The following SLC35F1 variants were observed in gnomAD, a reference collection of about 807,000 sequenced individuals.
SLC35F1 encodes the protein chromosome 6 open reading frame 169.
SLC35F1 carries 14 observed loss-of-function variants against 48.7 expected under a neutral mutation model. The ratio of observed to expected loss-of-function variants is 0.29; its 90% CI spans 0.19 to 0.45. The LOEUF (loss-of-function observed/expected upper bound fraction) is 0.45, where lower values mean the gene tolerates loss of function less well. Among genes scored for constraint, SLC35F1 ranks in the 20% least tolerant of loss-of-function variants. The pLI is 1.00. For missense variants in SLC35F1, 404 were observed against 500.0 expected, an observed-to-expected ratio of 0.81 and a Z score of 1.83; for synonymous variants, 190 against 202.2, an observed-to-expected ratio of 0.94 and a Z score of 0.51.
chr6:117,911,662 C>T (rs1775765676), intron 1 of SLC35F1, among the ~76,000 whole-genome samples: 1 of 151,886 alleles, frequency 6.6e-6, no homozygotes, highest in South Asian at 2.1e-4. Flanking sequence ...CCCAGGCTGG[C>T]CTCAAACTCC....
chr6:117,937,000 T>G (rs905217062), intron 1 of SLC35F1, among the ~76,000 whole-genome samples: 1 of 152,222 alleles, frequency 6.6e-6, no homozygotes, highest in African/African-American at 2.4e-5. Flanking sequence ...CACTCTAACA[T>G]GTTTGCATCA....
At chr6:118,202,401 G>A (rs1339271586) in intron 2 of SLC35F1, among the ~76,000 whole-genome samples, 1 of 152,146 alleles carries the variant, frequency 6.6e-6, no homozygotes, top group Non-Finnish European at 1.5e-5. Context: ...GGAGGGTGAG[G>A]CAGGAGGATT....
chr6:117,923,786 T>TATGCACATAC (rs1319267184), intron 1 of SLC35F1, among the ~76,000 whole-genome samples: 31 of 36,162 alleles, frequency 8.6e-4, no homozygotes, highest in African/African-American at 2.6e-3. Flanking sequence ...TATATATACA[T>TATGCACATAC]ATATGTACAT....
At chr6:118,243,475 C>G (rs150576146) in intron 3 of SLC35F1, among the ~76,000 whole-genome samples, 1 of 152,156 alleles carries the variant, frequency 6.6e-6, no homozygotes, top group Non-Finnish European at 1.5e-5. Flanking sequence ...TAGCTAAATG[C>G]TAGGGATACA....
At chr6:118,110,401 G>C (rs1773382583) in intron 1 of SLC35F1, among the ~76,000 whole-genome samples, 1 of 152,080 alleles carries the variant, frequency 6.6e-6, no homozygotes, top group Non-Finnish European at 1.5e-5. Context: ...GGAAGCTCAG[G>C]GAGAACTGAC....
chr6:117,940,731 C>T (rs1406515657), intron 1 of SLC35F1, among the ~76,000 whole-genome samples: 4 of 152,054 alleles, frequency 2.6e-5, no homozygotes, highest in Admixed American at 2.6e-4. Flanking sequence ...TCCCTGCAGC[C>T]TCCACCTCCC....
At chr6:118,085,823 G>A (rs547078954) in intron 1 of SLC35F1, among the ~76,000 whole-genome samples, 1 of 152,262 alleles carries the variant, frequency 6.6e-6, no homozygotes, top group Non-Finnish European at 1.5e-5. Flanking sequence ...TTAAGCATTT[G>A]ATGGATGGAT....
At chr6:118,224,477 C>T (rs990693093) in intron 2 of SLC35F1, among the ~76,000 whole-genome samples, 1 of 152,156 alleles carries the variant, frequency 6.6e-6, no homozygotes, top group African/African-American at 2.4e-5. Flanking sequence ...TCACTGCAAT[C>T]TCCACCTCCC....
intron 1 of SLC35F1, among the ~76,000 whole-genome samples, chr6:118,010,477 G>A (rs969428961): frequency 5.3e-5 from 8 of 152,094 alleles, no homozygotes; most frequent in African/African-American, 1.7e-4. Context: ...AATAAAAGTG[G>A]TTTATGATAT....
intron 1 of SLC35F1, among the ~76,000 whole-genome samples, chr6:117,940,153 A>G (rs1211062473): frequency 6.6e-6 from 1 of 152,224 alleles, no homozygotes; most frequent in African/African-American, 2.4e-5. Flanking sequence ...AGAAATACAT[A>G]AGGGTCAATA....
intron 1 of SLC35F1, among the ~76,000 whole-genome samples, chr6:117,957,550 T>G (rs1157352966): frequency 6.6e-6 from 1 of 152,188 alleles, no homozygotes; most frequent in East Asian, 1.9e-4. Flanking sequence ...ATATGGAAGA[T>G]TTACATAGGG....
intron 1 of SLC35F1, chr6:117,999,012 C>T (rs1777043875): frequency 2.9e-6 from 4 of 1,394,786 alleles, no homozygotes; most frequent in South Asian, 1.2e-5. Context: ...CACAACCAGT[C>T]CCGAAAATGG....
At chr6:118,131,577 A>G (rs1446668225) in intron 1 of SLC35F1, among the ~76,000 whole-genome samples, 1 of 152,186 alleles carries the variant, frequency 6.6e-6, no homozygotes, top group Non-Finnish European at 1.5e-5. Context: ...ATGTCAAAGA[A>G]TATGAATATT....
intron 2 of SLC35F1, 90 bp downstream of exon 2, chr6:118,154,710 A>G (rs1478763743): frequency 8.0e-7 from 1 of 1,254,874 alleles, no homozygotes; most frequent in Non-Finnish European, 1.1e-6. Flanking sequence ...TCACTTAAGC[A>G]TCAGTTAAGA....
At chr6:118,015,997 TTAATC>T (rs1219336647) in intron 1 of SLC35F1, among the ~76,000 whole-genome samples, 2 of 152,200 alleles carry the variant, frequency 1.3e-5, no homozygotes, top group Non-Finnish European at 2.9e-5. Flanking sequence ...ATTTATAAAA[TTAATC>T]TAATTCCCTG....
At chr6:118,215,116 G>A (rs2114554380) in intron 2 of SLC35F1, among the ~76,000 whole-genome samples, 1 of 152,128 alleles carries the variant, frequency 6.6e-6, no homozygotes, top group East Asian at 1.9e-4. Context: ...CTTGGCTCAG[G>A]CAAAGTGGAC....
chr6:118,064,512 C>A (rs1772585972), intron 1 of SLC35F1, among the ~76,000 whole-genome samples: 1 of 152,094 alleles, frequency 6.6e-6, no homozygotes, highest in Non-Finnish European at 1.5e-5. Context: ...CTAAACAGCT[C>A]TGCTCTATTT....
At chr6:118,296,235 A>G (rs542434782) in intron 7 of SLC35F1, among the ~76,000 whole-genome samples, 1 of 152,358 alleles carries the variant, frequency 6.6e-6, no homozygotes, top group South Asian at 2.1e-4. Context: ...GACAGAGTAT[A>G]TGACCCATAA....
At chr6:117,949,319 C>G (rs912360907) in intron 1 of SLC35F1, among the ~76,000 whole-genome samples, 11 of 152,142 alleles carry the variant, frequency 7.2e-5, no homozygotes, top group African/African-American at 2.7e-4. Context: ...ACATGCTTCT[C>G]CAGTATTTTC....
Sources: gnomAD v4.1 joint callset for allele counts (sites outside exome capture counted in the v4.1 genomes callset) on GRCh38, gnomAD v4.1.1 for gene constraint, MANE v1.5 for transcripts, NCBI Gene and HGNC (gene_info 2026-07-23, HGNC 2026-07-21) for gene names.